FRMD6: variants seen among roughly 807,000 people sequenced by gnomAD.
FRMD6 encodes FERM domain containing 6.
Under a neutral mutation model 73.2 loss-of-function variants are expected in FRMD6, and 37 were observed. That is an observed-to-expected ratio of 0.51 (90% CI 0.39 to 0.66). The LOEUF (loss-of-function observed/expected upper bound fraction) is 0.66. FRMD6 is among the 30% of genes least tolerant of loss of function. The probability of loss-of-function intolerance (pLI) is 0.00; values close to 1 mark genes in which losing one functional copy is unlikely to be tolerated. For synonymous variants in FRMD6, 273 were observed against 282.2 expected (o/e 0.97, Z 0.33); for missense variants, 714 against 780.5 (o/e 0.91, Z 1.02).
At chr14:51,658,591 C>T (rs1231826168) in intron 1 of FRMD6, among the ~76,000 whole-genome samples, 1 of 152,184 alleles carries the variant, frequency 6.6e-6, no homozygotes, top group Non-Finnish European at 1.5e-5. Flanking sequence ...CTTCCACCCC[C>T]ATCCAGTTAT....
At chr14:51,464,283 G>C in the FRMD6 span, among the ~76,000 whole-genome samples, 1 of 152,068 alleles carries the variant, frequency 6.6e-6, no homozygotes, top group African/African-American at 2.4e-5. Flanking sequence ...TGGGTGCTGG[G>C]CTTAATATCT....
Position 51,708,115 on chromosome 14 carries a change from A to G in FRMD6, c.596A>G (p.His199Arg). 1 of 1,613,358 alleles carries G rather than the reference A, an allele frequency of 6.2e-7. No homozygotes were observed. Among genetic ancestry groups the G allele is most frequent in the Non-Finnish European group, 8.5e-7 (1 of 1,179,502 alleles). The part of the protein sequence containing the change: ...SKRGKDYILK[H>R]IPNMHKDQFA... ...AGGGGGAAGGACTACATCCTGAAGC[A>G]CATTCCAAACATGCACAAAGATCAG... is the stretch of plus-strand genomic sequence containing the variant. The change falls in exon 7 of 14, where the codon CAC becomes CGC. Residue 199 changes from histidine (H) to arginine (R), a missense_variant. Coordinates refer to ENST00000344768, the MANE Select transcript of FRMD6 (RefSeq NM_001267046.2).
the FRMD6 span, among the ~76,000 whole-genome samples, chr14:51,399,752 ATAT>A: frequency 6.6e-6 from 1 of 152,132 alleles, no homozygotes; most frequent in South Asian, 2.1e-4. Context: ...GGTTATATTT[ATAT>A]TATTGATTGA....
At chr14:51,406,203 A>G in the FRMD6 span, among the ~76,000 whole-genome samples, 1 of 152,186 alleles carries the variant, frequency 6.6e-6, no homozygotes, top group East Asian at 1.9e-4. Flanking sequence ...TTTTTGTACC[A>G]GTACCATGAT....
At chr14:51,514,576 C>G (rs150718173) in intron 1 of FRMD6, among the ~76,000 whole-genome samples, 8 of 152,188 alleles carry the variant, frequency 5.3e-5, no homozygotes, top group Admixed American at 3.9e-4. Flanking sequence ...GGCCAGGTGC[C>G]GTGGCTCGTG....
the FRMD6 span, among the ~76,000 whole-genome samples, chr14:51,403,843 GA>G: frequency 1.3e-5 from 2 of 152,060 alleles, no homozygotes; most frequent in Admixed American, 6.5e-5. Flanking sequence ...TAAACTTTTG[GA>G]TTTTTTTCAA....
the FRMD6 span, among the ~76,000 whole-genome samples, chr14:51,473,498 C>G: frequency 6.6e-6 from 1 of 152,102 alleles, no homozygotes; most frequent in Non-Finnish European, 1.5e-5. Context: ...CTTTATGCTT[C>G]CAGAAGTAGG....
intron 2 of FRMD6, among the ~76,000 whole-genome samples, chr14:51,572,174 G>A (rs554414615): frequency 1.3e-5 from 2 of 152,360 alleles, no homozygotes; most frequent in East Asian, 1.9e-4. Flanking sequence ...GTAAAGAATA[G>A]TGCCTGCTAT....
chr14:51,449,843 G>T, the FRMD6 span, among the ~76,000 whole-genome samples: 29 of 152,050 alleles, frequency 1.9e-4, no homozygotes, highest in Non-Finnish European at 3.7e-4. Flanking sequence ...GTCCACATAG[G>T]GGAACAGATG....
intron 1 of FRMD6, among the ~76,000 whole-genome samples, chr14:51,513,823 C>G (rs987951217): frequency 5.3e-5 from 8 of 152,164 alleles, no homozygotes; most frequent in African/African-American, 1.9e-4. Flanking sequence ...ATCTCCCCAG[C>G]TAAGGCCTAT....
intron 3 of FRMD6, among the ~76,000 whole-genome samples, chr14:51,699,786 C>T (rs1896181692): frequency 6.6e-6 from 1 of 151,924 alleles, no homozygotes; most frequent in African/African-American, 2.4e-5. Context: ...TAATTCTATT[C>T]ATTATGTTGC....
intron 1 of FRMD6, among the ~76,000 whole-genome samples, chr14:51,540,429 G>T (rs865976874): frequency 1.3e-5 from 2 of 152,106 alleles, no homozygotes; most frequent in South Asian, 2.1e-4. Flanking sequence ...CCTTTTACCC[G>T]TGGTGAAATA....
chr14:51,725,927 G>A, intron 13 of FRMD6, 57 bp downstream of exon 13: 3 of 1,257,234 alleles, frequency 2.4e-6, no homozygotes, highest in South Asian at 2.5e-5. Context: ...AAAATTTTAA[G>A]TAGTAACTTA....
chr14:51,409,340 C>CTTTTTTTT, the FRMD6 span, among the ~76,000 whole-genome samples: 3 of 84,146 alleles, frequency 3.6e-5, no homozygotes, highest in Admixed American at 1.5e-4. Flanking sequence ...AAGTTTTTTG[C>CTTTTTTTT]TTTTTTTTTT....
At chr14:51,629,501 T>C (rs988889296) in intron 2 of FRMD6, among the ~76,000 whole-genome samples, 1 of 152,236 alleles carries the variant, frequency 6.6e-6, no homozygotes, top group Non-Finnish European at 1.5e-5. Flanking sequence ...GGGTTCCAGT[T>C]GTTCCACATC....
chr14:51,420,760 A>T, the FRMD6 span, among the ~76,000 whole-genome samples: 1 of 152,064 alleles, frequency 6.6e-6, no homozygotes, highest in Non-Finnish European at 1.5e-5. Context: ...ATATGCAAAT[A>T]CGGTACCATT....
chr14:51,450,129 G>A, the FRMD6 span, among the ~76,000 whole-genome samples: 34 of 152,256 alleles, frequency 2.2e-4, no homozygotes, highest in Admixed American at 1.5e-3. Flanking sequence ...TGAATCTCTC[G>A]TGTCAAGATC....
intron 1 of FRMD6, among the ~76,000 whole-genome samples, chr14:51,517,807 C>G (rs552947770): frequency 6.6e-6 from 1 of 152,208 alleles, no homozygotes; most frequent in Non-Finnish European, 1.5e-5. Flanking sequence ...TACAAGCTGG[C>G]TCTCCGGTAT....
chr14:51,437,351 G>T, the FRMD6 span, among the ~76,000 whole-genome samples: 2 of 152,060 alleles, frequency 1.3e-5, no homozygotes, highest in Admixed American at 1.3e-4. Flanking sequence ...CGCCCAAGCT[G>T]GAGTGCAGTG....
Sources: gnomAD v4.1 joint callset for allele counts (sites outside exome capture counted in the v4.1 genomes callset) on GRCh38, gnomAD v4.1.1 for gene constraint, MANE v1.5 for transcripts, NCBI Gene and HGNC (gene_info 2026-07-23, HGNC 2026-07-21) for gene names.